Variants in PRKCH observed in about 807,000 individuals in gnomAD.
PRKCH encodes protein kinase C eta.
Under a neutral mutation model 82.5 loss-of-function variants are expected in PRKCH, and 28 were observed. The ratio of observed to expected loss-of-function variants is 0.34; its 90% CI spans 0.25 to 0.47. The LOEUF (loss-of-function observed/expected upper bound fraction) is 0.47. Among genes scored for constraint, PRKCH ranks in the 20% least tolerant of loss-of-function variants. The probability of loss-of-function intolerance (pLI) is 1.00; values close to 1 mark genes in which losing one functional copy is unlikely to be tolerated. For missense variants in PRKCH, 705 were observed against 881.8 expected, an observed-to-expected ratio of 0.80 and a Z score of 2.54; for synonymous variants, 322 against 327.4, an observed-to-expected ratio of 0.98 and a Z score of 0.18.
intron 1 of PRKCH, among the ~76,000 whole-genome samples, chr14:61,380,308 T>C (rs2046486352): frequency 6.6e-6 from 1 of 152,106 alleles, no homozygotes; most frequent in African/African-American, 2.4e-5. Context: ...CCTCCTGCCT[T>C]GGCCTCCCAA....
At chr14:61,211,889 A>G (rs1306766021) in intron 1 of PRKCH, among the ~76,000 whole-genome samples, 6 of 152,332 alleles carry the variant, frequency 3.9e-5, no homozygotes, top group Admixed American at 1.3e-4. Context: ...ATAACCTGCC[A>G]CAGTCCTAGC....
chr14:61,210,052 C>G (rs1229615905), intron 1 of PRKCH, among the ~76,000 whole-genome samples: 7 of 148,310 alleles, frequency 4.7e-5, no homozygotes, highest in African/African-American at 1.0e-4. Context: ...GCCTGGCCAA[C>G]ACCGTGAAAC....
intron 1 of PRKCH, among the ~76,000 whole-genome samples, chr14:61,200,354 A>G (rs556482427): frequency 2.1e-4 from 32 of 152,104 alleles, no homozygotes; most frequent in Non-Finnish European, 3.5e-4. Context: ...GGAAAACAGG[A>G]ACACTCATAT....
intron 1 of PRKCH, among the ~76,000 whole-genome samples, chr14:61,268,615 C>T (rs912734187): frequency 6.6e-6 from 1 of 152,098 alleles, no homozygotes; most frequent in Non-Finnish European, 1.5e-5. Flanking sequence ...TTACAGAGAG[C>T]CGAGATCGTA....
chr14:61,440,931 T>TC (rs1242074265), intron 2 of PRKCH, among the ~76,000 whole-genome samples: 4 of 151,444 alleles, frequency 2.6e-5, no homozygotes, highest in East Asian at 1.9e-4. Context: ...TTTTCTTTTT[T>TC]TTTTGGAGAG....
chr14:61,457,447 A>G (rs1173469923), intron 8 of PRKCH, 59 bp from the exon 9 acceptor site: 2 of 1,596,842 alleles, frequency 1.3e-6, no homozygotes, highest in East Asian at 2.2e-5. Context: ...TGTTGTGTGC[A>G]CACACCCTAA....
At chr14:61,294,506 A>G (rs1447422429) in intron 1 of PRKCH, among the ~76,000 whole-genome samples, 1 of 151,874 alleles carries the variant, frequency 6.6e-6, no homozygotes, top group East Asian at 1.9e-4. Flanking sequence ...CTGATTCTTT[A>G]TATCTAGTAT....
chr14:61,490,565 CT>C (rs1050937385), intron 10 of PRKCH, among the ~76,000 whole-genome samples: 2 of 152,158 alleles, frequency 1.3e-5, no homozygotes, highest in African/African-American at 4.8e-5. Context: ...GTGGTCTCCT[CT>C]GTGAGCACCA....
intron 12 of PRKCH, among the ~76,000 whole-genome samples, chr14:61,539,393 T>C (rs1273447776): frequency 6.6e-6 from 1 of 152,194 alleles, no homozygotes. Context: ...CCCTGCCCGC[T>C]AGAGGAACAG....
At position 61,499,268 on chromosome 14, in the gene PRKCH, T is replaced by C. The variant is rs979560802; in HGVS notation, c.1433+13612T>C. Among the ~76,000 whole-genome samples, 5 of 152,248 alleles carry C rather than the reference T, an allele frequency of 3.3e-5. 1 individual carries two copies. Among genetic ancestry groups the C allele is most frequent in the African/African-American group, 1.2e-4 (5 of 41,448 alleles). On this transcript the variant is annotated intron_variant, in intron 10 of 13. Coordinates refer to ENST00000332981, the MANE Select transcript of PRKCH (RefSeq NM_006255.5). ...CCTTTGTCTTGCAAATGTCAAATTG[T>C]ACTTTTCTGTAAACTTTGTAAGTAG... is the stretch of plus-strand genomic sequence containing the variant.
chr14:61,509,336 A>G (rs1887279727), intron 10 of PRKCH, among the ~76,000 whole-genome samples: 1 of 152,122 alleles, frequency 6.6e-6, no homozygotes, highest in South Asian at 2.1e-4. Context: ...CTCAAAGACC[A>G]TTGTTAAGTC....
chr14:61,418,645 C>T (rs368239114), intron 2 of PRKCH, among the ~76,000 whole-genome samples: 6 of 152,192 alleles, frequency 3.9e-5, no homozygotes, highest in African/African-American at 1.4e-4. Context: ...ATTTCCCTGA[C>T]CTTTCAGCAT....
chr14:61,448,292 T>C (rs1243316629), intron 4 of PRKCH, among the ~76,000 whole-genome samples: 1 of 152,224 alleles, frequency 6.6e-6, no homozygotes, highest in Non-Finnish European at 1.5e-5. Flanking sequence ...TGATATACAT[T>C]TTTATACTGC....
chr14:61,479,397 C>A (rs187225743), intron 9 of PRKCH, among the ~76,000 whole-genome samples: 1 of 152,104 alleles, frequency 6.6e-6, no homozygotes, highest in Non-Finnish European at 1.5e-5. Flanking sequence ...TTTACCCATG[C>A]GGCCAGGCTG....
intron 1 of PRKCH, among the ~76,000 whole-genome samples, chr14:61,266,175 T>C (rs1379160682): frequency 1.3e-5 from 2 of 152,118 alleles, no homozygotes; most frequent in Non-Finnish European, 2.9e-5. Flanking sequence ...CTCAGCACTT[T>C]GGGAGGCTGA....
At chr14:61,514,314 T>TG (rs1555394830) in intron 10 of PRKCH, among the ~76,000 whole-genome samples, 2 of 132,130 alleles carry the variant, frequency 1.5e-5, no homozygotes, top group Non-Finnish European at 3.1e-5. Flanking sequence ...TCTTCTCCTT[T>TG]AAAAAAAAAA....
intron 2 of PRKCH, among the ~76,000 whole-genome samples, chr14:61,405,366 T>A (rs969725541): frequency 4.2e-5 from 6 of 141,892 alleles, no homozygotes; most frequent in Non-Finnish European, 7.6e-5. Flanking sequence ...TAGGCGCAGC[T>A]GGAATCTTCT....
At chr14:61,325,744 T>A (rs554628301) in intron 1 of PRKCH, among the ~76,000 whole-genome samples, 33 of 152,262 alleles carry the variant, frequency 2.2e-4, no homozygotes, top group African/African-American at 7.7e-4. Flanking sequence ...AAAAGAACTC[T>A]AACAGCACAA....
intron 1 of PRKCH, among the ~76,000 whole-genome samples, chr14:61,264,035 G>A (rs966909410): frequency 6.6e-6 from 1 of 152,010 alleles, no homozygotes. Context: ...CCTTATAACT[G>A]TATACCAGAG....
Sources: allele counts gnomAD v4.1 joint callset (sites outside exome capture counted in the v4.1 genomes callset), GRCh38; gene constraint gnomAD v4.1.1; transcripts MANE v1.5; gene names NCBI Gene and HGNC (gene_info 2026-07-23, HGNC 2026-07-21).